RALYL: variants seen among roughly 807,000 people sequenced by gnomAD.
RALYL encodes RALY RNA binding protein like.
Under a neutral mutation model 35.1 loss-of-function variants are expected in RALYL, and 29 were observed. The observed-to-expected ratio is 0.83, with a 90% CI of 0.61 to 1.13. The LOEUF (loss-of-function observed/expected upper bound fraction) is 1.13. Among genes scored for constraint, RALYL ranks in the 50% most tolerant of loss-of-function variants. The pLI is 0.00. For synonymous variants in RALYL, 120 were observed against 127.6 expected (o/e 0.94, Z 0.40); for missense variants, 359 against 360.4 (o/e 1.00, Z 0.03).
At chr8:84,725,331 A>G (rs576924050) in intron 2 of RALYL, among the ~76,000 whole-genome samples, 70 of 151,868 alleles carry the variant, frequency 4.6e-4, no homozygotes, top group Non-Finnish European at 9.0e-4. Context: ...TTTTTCCATT[A>G]CTATAGAAAT....
chr8:84,658,733 G>C (rs913543886), intron 2 of RALYL, among the ~76,000 whole-genome samples: 4 of 151,962 alleles, frequency 2.6e-5, no homozygotes, highest in Non-Finnish European at 5.9e-5. Flanking sequence ...TGAAGTAAAA[G>C]AAAAACCCAT....
At chr8:84,901,718 C>A (rs1845720036) in intron 8 of RALYL, among the ~76,000 whole-genome samples, 1 of 152,066 alleles carries the variant, frequency 6.6e-6, no homozygotes, top group African/African-American at 2.4e-5. Context: ...CAGGAGGGCC[C>A]TTAAAGAGGG....
At chr8:84,563,018 A>G (rs1162178479) in intron 2 of RALYL, among the ~76,000 whole-genome samples, 6 of 151,896 alleles carry the variant, frequency 4.0e-5, no homozygotes, top group African/African-American at 1.4e-4. Context: ...AATGGCAGTC[A>G]CTCTTACATG....
chr8:84,311,090 A>AATATAT (rs1563712525), intron 1 of RALYL, among the ~76,000 whole-genome samples: 5 of 99,770 alleles, frequency 5.0e-5, no homozygotes, highest in East Asian at 3.5e-4. Context: ...AAAAAAAAAA[A>AATATAT]ATGTATATTA....
At chr8:84,701,029 G>A (rs1320694191) in intron 2 of RALYL, among the ~76,000 whole-genome samples, 6 of 152,152 alleles carry the variant, frequency 3.9e-5, no homozygotes, top group Non-Finnish European at 8.8e-5. Flanking sequence ...AAAAGCCAGT[G>A]TTACCACAGG....
At chr8:84,845,800 C>G (rs1379973554) in intron 4 of RALYL, among the ~76,000 whole-genome samples, 2 of 152,162 alleles carry the variant, frequency 1.3e-5, no homozygotes, top group African/African-American at 2.4e-5. Flanking sequence ...AATATTCAAT[C>G]TATCTTGAGT....
chr8:84,271,294 C>A (rs771180617), intron 1 of RALYL, among the ~76,000 whole-genome samples: 15 of 151,914 alleles, frequency 9.9e-5, no homozygotes, highest in Non-Finnish European at 1.8e-4. Flanking sequence ...AAAGTATACT[C>A]AACATCATTA....
chr8:84,862,355 G>A lies in RALYL; in HGVS notation c.473G>A (p.Arg158His), dbSNP rs371267637. 6.1e-5 allele frequency: 98 copies of A among 1,606,470 alleles called. No homozygotes were observed. The highest frequency in any genetic ancestry group is 3.5e-4 in the African/African-American group (26 of 74,484). The change falls in exon 6 of 9, where the codon CGT becomes CAT. Residue 158 changes from arginine to histidine, a missense_variant. Arg to His is a conservative substitution (Grantham distance 29). Coordinates refer to ENST00000521268, the MANE Select transcript of RALYL (RefSeq NM_173848.7). ...CCCCGTGCAGTAATTCCGCTGAAGC[G>A]TCCCAGAGTGGCAGTCACAACGACT... is the stretch of plus-strand genomic sequence containing the variant. ...PPPRAVIPLK[R>H]PRVAVTTTRR...
intron 4 of RALYL, among the ~76,000 whole-genome samples, chr8:84,833,736 A>G (rs1831393600): frequency 6.6e-6 from 1 of 151,984 alleles, no homozygotes; most frequent in Admixed American, 6.6e-5. Context: ...TTCTTACAGC[A>G]ATATCTGGGA....
At chr8:84,690,987 T>C (rs1837919661) in intron 2 of RALYL, among the ~76,000 whole-genome samples, 1 of 152,106 alleles carries the variant, frequency 6.6e-6, no homozygotes, top group African/African-American at 2.4e-5. Flanking sequence ...GAATTGCTAA[T>C]TTTTTATCTT....
At chr8:84,503,115 T>C (rs555177113) in intron 1 of RALYL, among the ~76,000 whole-genome samples, 24 of 152,144 alleles carry the variant, frequency 1.6e-4, no homozygotes, top group African/African-American at 5.5e-4. Flanking sequence ...GTTTTTAATA[T>C]GTAAAAAGGC....
intron 2 of RALYL, among the ~76,000 whole-genome samples, chr8:84,720,234 A>G (rs1010223481): frequency 7.9e-5 from 12 of 152,172 alleles, no homozygotes; most frequent in Non-Finnish European, 1.0e-4. Context: ...AACTAGAGTC[A>G]TTACACTACC....
chr8:84,243,266 TTTGTTG>T (rs928934847), intron 1 of RALYL, among the ~76,000 whole-genome samples: 1 of 152,010 alleles, frequency 6.6e-6, no homozygotes, highest in Non-Finnish European at 1.5e-5. Context: ...CCAGCGTGTT[TTTGTTG>T]TTGTTGTTGT....
At chr8:84,437,528 G>C (rs2047871578) in intron 1 of RALYL, among the ~76,000 whole-genome samples, 1 of 151,970 alleles carries the variant, frequency 6.6e-6, no homozygotes, top group Non-Finnish European at 1.5e-5. Context: ...GTTGTTTTTT[G>C]ACTTTTTAAT....
In RALYL at chr8:84,638,319, G is replaced by A. The variant is rs116656322; in HGVS notation, c.256+108742G>A. 4.0e-3 allele frequency among the ~76,000 whole-genome samples: 607 copies of A among 152,016 alleles called. 5 individuals are homozygous for A. Among genetic ancestry groups the A allele is most frequent in the African/African-American group, 0.014 (587 of 41,514 alleles). ...TGGGACACAGCAAGTGTGGTGCTAA[G>A]AGCAAATTTCATAGCCTTAAATACC... On this transcript the variant is annotated intron_variant, in intron 2 of 8. Coordinates refer to ENST00000521268, the MANE Select transcript of RALYL (RefSeq NM_173848.7).
chr8:84,304,515 ATCT>A (rs1267534926), intron 1 of RALYL, among the ~76,000 whole-genome samples: 5 of 152,284 alleles, frequency 3.3e-5, no homozygotes, highest in African/African-American at 4.8e-5. Context: ...AGTTGTTCTC[ATCT>A]TCTTATTTAA....
At chr8:84,430,123 A>G (rs2046982960) in intron 1 of RALYL, among the ~76,000 whole-genome samples, 2 of 152,062 alleles carry the variant, frequency 1.3e-5, no homozygotes, top group South Asian at 4.1e-4. Context: ...GTGTAATTCC[A>G]TGCTAAACAA....
chr8:84,636,398 C>A (rs1403101374), intron 2 of RALYL, among the ~76,000 whole-genome samples: 2 of 151,668 alleles, frequency 1.3e-5, no homozygotes, highest in Non-Finnish European at 3.0e-5. Flanking sequence ...AGTAATTCTT[C>A]CTGTGAGAGA....
chr8:84,872,705 G>T (rs930369308), intron 6 of RALYL: 2 of 152,124 alleles, frequency 1.3e-5, no homozygotes, highest in African/African-American at 2.4e-5. Flanking sequence ...GGGCTTAGAG[G>T]GAGGCATGTA....
Sources: allele counts gnomAD v4.1 joint callset (sites outside exome capture counted in the v4.1 genomes callset), GRCh38; gene constraint gnomAD v4.1.1; transcripts MANE v1.5; gene names NCBI Gene and HGNC (gene_info 2026-07-23, HGNC 2026-07-21).